Variants in RCAN1 observed in about 807,000 individuals in gnomAD.
RCAN1 encodes the protein regulator of calcineurin 1.
In RCAN1, 11 loss-of-function variants were observed where a neutral mutation model predicts 22.9. The observed-to-expected ratio is 0.48, with a 90% confidence interval of 0.30 to 0.79. The LOEUF is 0.79. Ranked by LOEUF, RCAN1 falls within the 30% of genes least tolerant of loss-of-function variation. RCAN1 has a pLI of 0.06. For synonymous variants in RCAN1, 136 were observed against 142.3 expected, an observed-to-expected ratio of 0.96 and a Z score of 0.32; for missense variants, 291 against 337.8, an observed-to-expected ratio of 0.86 and a Z score of 1.09.
At chr21:34,586,570 G>A (rs1987805593) in intron 1 of RCAN1, among the ~76,000 whole-genome samples, 2 of 152,216 alleles carry the variant, frequency 1.3e-5, no homozygotes, top group Non-Finnish European at 2.9e-5. Context: ...CTAGTCTTAT[G>A]TGAATATATG....
intron 1 of RCAN1, among the ~76,000 whole-genome samples, chr21:34,592,666 C>T (rs187792845): frequency 1.3e-5 from 2 of 152,090 alleles, no homozygotes; most frequent in Admixed American, 6.6e-5. Context: ...ATGAATAAAC[C>T]CATGATGATT....
intron 1 of RCAN1, among the ~76,000 whole-genome samples, chr21:34,569,560 C>T (rs1348218939): frequency 6.6e-6 from 1 of 152,184 alleles, no homozygotes; most frequent in African/African-American, 2.4e-5. Context: ...CTCCACCTGC[C>T]TACCCTGGAG....
chr21:34,540,990 G>GA (rs1985889775), intron 1 of RCAN1, among the ~76,000 whole-genome samples: 1 of 151,342 alleles, frequency 6.6e-6, no homozygotes, highest in Non-Finnish European at 1.5e-5. Context: ...GTCTCAAAAA[G>GA]AAAAAAAAGC....
In RCAN1 at chr21:34,608,405, G is replaced by A. The variant is rs115074865; in HGVS notation, c.252+6355C>T. On this transcript the variant is annotated intron_variant, in intron 1 of 3. Coordinates refer to ENST00000313806, the MANE Select transcript of RCAN1 (RefSeq NM_004414.7). ...AGGAATAGAATACAGCGAAAGTGAT[G>A]GGATATCACTGAGATTAGGCTACAA... Among the ~76,000 whole-genome samples the A allele has an allele frequency of 6.5e-3, 992 of 152,276 alleles. 10 individuals are homozygous for A. The highest frequency in any genetic ancestry group is 0.023 in the African/African-American group (953 of 41,550).
At chr21:34,609,587 C>T (rs1034568152) in intron 1 of RCAN1, among the ~76,000 whole-genome samples, 2 of 152,216 alleles carry the variant, frequency 1.3e-5, no homozygotes, top group African/African-American at 2.4e-5. Flanking sequence ...TTGGAACCAA[C>T]AGCTCCTGCC....
chr21:34,520,124 T>A (rs532072141), intron 3 of RCAN1, among the ~76,000 whole-genome samples: 3 of 152,282 alleles, frequency 2.0e-5, no homozygotes, highest in Admixed American at 1.3e-4. Flanking sequence ...ACAGGTGAAA[T>A]ATGAAATCTC....
At position 34,521,041 on chromosome 21, in the gene RCAN1, C is replaced by T. The variant is rs1426436683; in HGVS notation, c.586+458G>A. The T allele has an allele frequency of 4.3e-6, 5 of 1,164,480 alleles. No homozygotes were observed. The African/African-American group carries it at 8.0e-5, about 19-fold the overall frequency. The allele number at this position is 1,164,480 out of a possible 1,614,324, so 72.1% of individuals were successfully genotyped here. A position where few individuals can be genotyped will look rare whatever the true frequency, so the allele number is the denominator to read the frequency against. On this transcript the variant is annotated intron_variant, in intron 3 of 3. Coordinates refer to ENST00000313806, the MANE Select transcript of RCAN1 (RefSeq NM_004414.7). ...CTCACCATGGCCTATGGTTCTCCTT[C>T]CCTTTTCCTTTAAGAAGGCCAGGTG... is the stretch of plus-strand genomic sequence containing the variant.
intron 1 of RCAN1, among the ~76,000 whole-genome samples, chr21:34,528,990 T>G (rs1313408339): frequency 1.3e-5 from 2 of 152,066 alleles, no homozygotes; most frequent in Non-Finnish European, 2.9e-5. Flanking sequence ...TATTTGAAGA[T>G]TATTCAACTG....
At chr21:34,558,417 T>A (rs796836728) in intron 1 of RCAN1, among the ~76,000 whole-genome samples, 1 of 152,068 alleles carries the variant, frequency 6.6e-6, no homozygotes, top group South Asian at 2.1e-4. Context: ...TGACTGAGAA[T>A]TGAGATGACT....
intron 1 of RCAN1, among the ~76,000 whole-genome samples, chr21:34,554,723 A>G (rs1302475158): frequency 6.6e-6 from 1 of 152,252 alleles, no homozygotes; most frequent in Non-Finnish European, 1.5e-5. Context: ...ATGTTGATAA[A>G]GACATACCTG....
chr21:34,538,232 T>C (rs1214432988), intron 1 of RCAN1, among the ~76,000 whole-genome samples: 2 of 152,356 alleles, frequency 1.3e-5, no homozygotes, highest in East Asian at 3.9e-4. Context: ...GTCTTTAAGA[T>C]AGTTTCTTAA....
At chr21:34,603,118 GGCATGACT>G (rs75656736) in intron 1 of RCAN1, among the ~76,000 whole-genome samples, 8,026 of 152,174 alleles carry the variant, frequency 0.053, 269 homozygotes, top group East Asian at 0.16. Context: ...TGCAGCACAA[GGCATGACT>G]TCTCCCTTCT....
At chr21:34,586,017 A>G in intron 1 of RCAN1, among the ~76,000 whole-genome samples, 1 of 152,212 alleles carries the variant, frequency 6.6e-6, no homozygotes, top group Non-Finnish European at 1.5e-5. Context: ...GTATATATCC[A>G]ATAATATAGC....
chr21:34,577,574 G>A (rs1395466887), intron 1 of RCAN1, among the ~76,000 whole-genome samples: 2 of 152,154 alleles, frequency 1.3e-5, no homozygotes, highest in African/African-American at 4.8e-5. Context: ...ATTCCAGCCT[G>A]AGTGACAGAG....
chr21:34,596,238 C>A (rs1226255079), intron 1 of RCAN1, among the ~76,000 whole-genome samples: 3 of 152,216 alleles, frequency 2.0e-5, no homozygotes, highest in African/African-American at 7.2e-5. Flanking sequence ...AACCTCTAAG[C>A]TCCAACAGGT....
intron 1 of RCAN1, among the ~76,000 whole-genome samples, chr21:34,529,413 C>G (rs913174545): frequency 6.6e-6 from 1 of 152,218 alleles, no homozygotes; most frequent in African/African-American, 2.4e-5. Context: ...CCTGGGACAC[C>G]TGTCCCTGTA....
chr21:34,547,621 G>A (rs1007920478), intron 1 of RCAN1, among the ~76,000 whole-genome samples: 10 of 152,308 alleles, frequency 6.6e-5, no homozygotes, highest in African/African-American at 2.4e-4. Flanking sequence ...GCCTTGACAA[G>A]GTGAGGAGGC....
chr21:34,574,314 G>C (rs1010243658), intron 1 of RCAN1, among the ~76,000 whole-genome samples: 1 of 152,224 alleles, frequency 6.6e-6, no homozygotes, highest in Non-Finnish European at 1.5e-5. Context: ...CTGCAGATAA[G>C]CTATCAATCA....
intron 1 of RCAN1, among the ~76,000 whole-genome samples, chr21:34,563,998 T>C (rs116851524): frequency 0.051 from 7,678 of 151,504 alleles, 274 homozygotes; most frequent in East Asian, 0.12. Context: ...CGACATTGGG[T>C]AGTTTATAAA....
Sources: allele counts gnomAD v4.1 joint callset (sites outside exome capture counted in the v4.1 genomes callset), GRCh38; gene constraint gnomAD v4.1.1; transcripts MANE v1.5; gene names NCBI Gene and HGNC (gene_info 2026-07-23, HGNC 2026-07-21).